Variants in CRB2 observed in about 807,000 individuals in gnomAD.
CRB2 encodes crumbs cell polarity complex component 2, also known as protein crumbs homolog 2.
In CRB2, 85 loss-of-function variants were observed where a neutral mutation model predicts 110.9. The observed-to-expected ratio is 0.77, with a 90% CI of 0.64 to 0.92. The LOEUF (loss-of-function observed/expected upper bound fraction) is 0.92. CRB2 is among the 40% of genes least tolerant of loss of function. The pLI, the probability that CRB2 is intolerant of heterozygous loss-of-function variation, is 0.00. For missense variants in CRB2, 1,843 were observed against 1,851.3 expected (o/e 1.00, Z 0.08); for synonymous variants, 907 against 831.0 (o/e 1.09, Z -1.57).
chr9:123,369,994 T>C lies in CRB2; in HGVS notation c.1055-114T>C, dbSNP rs529932795. 14 of 1,240,896 alleles carry C rather than the reference T, an allele frequency of 1.1e-5. 2 individuals are homozygous for C. The highest frequency in any genetic ancestry group is 1.0e-4 in the South Asian group (7 of 68,124). 76.9% of individuals were successfully genotyped at this position (1,240,896 alleles called of 1,614,324 possible). ...GGGACCATGAGAAATCCTCTGGGAA[T>C]TGGTTTGGCTGATAGGTACTGAGGT... is the stretch of plus-strand genomic sequence containing the variant. On this transcript the variant is annotated intron_variant, in intron 6 of 12. Coordinates refer to ENST00000373631, the MANE Select transcript of CRB2 (RefSeq NM_173689.7).
intron 1 of CRB2, among the ~76,000 whole-genome samples, chr9:123,358,581 G>A (rs191383319): frequency 6.6e-6 from 1 of 152,350 alleles, no homozygotes; most frequent in Non-Finnish European, 1.5e-5. Context: ...CCACTCCATG[G>A]CAGGCACTGT....
rs772059506 is a variant in CRB2, at chr9:123,371,203, G to A, written c.2061G>A (p.Gln687=). 8.7e-6 allele frequency: 14 copies of A among 1,613,918 alleles called. No homozygotes were observed. In the East Asian group the frequency reaches 1.8e-4, roughly 21 times the overall value. ...GGGAGTCCGCTGGCCTGTTGCTCCA[G>A]TTTGCCAATGACTCCGCAGCTGGCC... is the stretch of plus-strand genomic sequence containing the variant. ...RTRESAGLLL[Q]FANDSAAGLT... Residue 687 remains glutamine, a synonymous_variant, in exon 8 of 13, where the codon CAG becomes CAA. Coordinates refer to ENST00000373631, the MANE Select transcript of CRB2 (RefSeq NM_173689.7).
At chr9:123,356,419 A>C in intron 1 of CRB2, 65 bp downstream of exon 1, 1 of 1,310,012 alleles carries the variant, frequency 7.6e-7, no homozygotes, top group Non-Finnish European at 1.0e-6. Flanking sequence ...AGATACCCCA[A>C]GCCTTGGCTG....
At position 123,370,169 on chromosome 9, in the gene CRB2, C is replaced by T; in HGVS notation, c.1116C>T (p.Thr372=). The T allele has an allele frequency of 6.2e-7, 1 of 1,611,152 alleles. No homozygotes were observed. Among genetic ancestry groups the T allele is most frequent in the East Asian group, 2.2e-5 (1 of 44,812 alleles). The part of the protein sequence containing the change: ...CLSDPCLHGG[T]CSDTVAGYIC... ...CGGATCCCTGCCTGCACGGCGGAACCTGCAGTGACACTGTGGCAGGCTATA... is the reference window on the plus strand; with the variant it reads ...CGGATCCCTGCCTGCACGGCGGAACTTGCAGTGACACTGTGGCAGGCTATA... The change falls in exon 7 of 13, where the codon ACC becomes ACT. Residue 372 remains threonine (T), a synonymous_variant. Transcript: ENST00000373631.
At chr9:123,365,876 G>A (rs1324899223) in intron 2 of CRB2, 41 bp from the exon 3 acceptor site, 16 of 1,539,398 alleles carry the variant, frequency 1.0e-5, no homozygotes, top group African/African-American at 1.4e-5. Context: ...CCCTGCTCTG[G>A]GTGTCCATCC....
rs571026224 is a variant in CRB2 at position 123,366,511 on chromosome 9, G to C, written c.754+145G>C. 4.7e-6 allele frequency: 5 copies of C among 1,053,712 alleles called. No homozygotes were observed. The African/African-American group carries it at 6.8e-5, about 14-fold the overall frequency. The allele number at this position is 1,053,712 out of a possible 1,614,324, so 65.3% of individuals were successfully genotyped here. On this transcript the variant is annotated intron_variant, in intron 4 of 12. Coordinates refer to ENST00000373631, the MANE Select transcript of CRB2 (RefSeq NM_173689.7). ...AGTGTGTGTGTGATTGCAACCTGTC[G>C]GAGCCTCAGTTTCCTGATCTACAAA...
In CRB2 at chr9:123,363,827, C is replaced by A. The variant is rs576762845; in HGVS notation, c.418+639C>A. Reference sequence around the variant, plus strand: ...TCTCCAGAGTGTGGCCCGTCCCAGGCCCACCCATGGTCTGAGCCGAGAACA... The same window carrying A: ...TCTCCAGAGTGTGGCCCGTCCCAGGACCACCCATGGTCTGAGCCGAGAACA... On this transcript the variant is annotated intron_variant, in intron 2 of 12. Coordinates refer to ENST00000373631, the MANE Select transcript of CRB2 (RefSeq NM_173689.7). Among the ~76,000 whole-genome samples the A allele has an allele frequency of 1.3e-3, 194 of 152,338 alleles. 1 individual carries two copies. Among genetic ancestry groups the A allele is most frequent in the Non-Finnish European group, 2.0e-3 (139 of 68,034 alleles).
chr9:123,358,336 C>T (rs1380499136), intron 1 of CRB2, among the ~76,000 whole-genome samples: 1 of 152,184 alleles, frequency 6.6e-6, no homozygotes, highest in Non-Finnish European at 1.5e-5. Context: ...TACAATGGGG[C>T]ACGTTGGGCT....
Position 123,371,468 on chromosome 9 carries a change from C to T in CRB2, c.2326C>T (p.His776Tyr). 1 of 1,613,220 alleles carries T rather than the reference C, an allele frequency of 6.2e-7. No individual in the cohort carries two copies. The highest frequency in any genetic ancestry group is 8.5e-7 in the Non-Finnish European group (1 of 1,180,034). Reference protein sequence around the residue: ...CLQDLRLDGCHLPFFPLPLDN... With the variant: ...CLQDLRLDGCYLPFFPLPLDN... Reference sequence around the variant, plus strand: ...CCAGGACCTGCGACTCGATGGCTGCCACCTCCCCTTCTTTCCTCTGCCACT... The same window carrying T: ...CCAGGACCTGCGACTCGATGGCTGCTACCTCCCCTTCTTTCCTCTGCCACT... The change falls in exon 8 of 13, where the codon CAC becomes TAC. Residue 776 changes from histidine (H) to tyrosine (Y), a missense_variant. Coordinates refer to ENST00000373631, the MANE Select transcript of CRB2 (RefSeq NM_173689.7).
chr9:123,359,068 A>C (rs1349320531), intron 1 of CRB2, among the ~76,000 whole-genome samples: 6 of 152,242 alleles, frequency 3.9e-5, no homozygotes, highest in African/African-American at 1.4e-4. Context: ...TGCCAGGCAC[A>C]GGGTAGGTGC....
intron 11 of CRB2, 134 bp downstream of exon 11, chr9:123,374,829 G>T (rs542121163): frequency 3.1e-6 from 2 of 646,082 alleles, no homozygotes; most frequent in African/African-American, 3.6e-5. Context: ...TGTCACTTGA[G>T]TTTCCTTCCA....
In CRB2 at chr9:123,371,419, G is replaced by A. The variant is rs375072557; in HGVS notation, c.2277G>A (p.Trp759Ter). ...TCCTTGCTGCCGACAGCCAGCCCTG[G>A]GGTGGGCCCTTCCGAGGCTGCCTCC... ...GRLLAADSQP[W>*]GGPFRGCLQD... The change falls in exon 8 of 13, where the codon TGG (tryptophan) becomes TGA (stop). Residue 759 changes from tryptophan to a stop codon, truncating the protein, a stop_gained. Transcript: ENST00000373631. LOFTEE classifies it high-confidence loss of function. 7.6e-5 allele frequency: 122 copies of A among 1,612,280 alleles called. No homozygotes were observed. Among genetic ancestry groups the A allele is most frequent in the Non-Finnish European group, 1.0e-4 (120 of 1,179,754 alleles).
intron 6 of CRB2, among the ~76,000 whole-genome samples, chr9:123,368,166 G>T (rs910843219): frequency 6.6e-6 from 1 of 152,076 alleles, no homozygotes. Flanking sequence ...AACACTGAAC[G>T]TCCCTGCCCC....
intron 1 of CRB2, among the ~76,000 whole-genome samples, chr9:123,358,306 G>C (rs561649913): frequency 6.6e-6 from 1 of 152,330 alleles, no homozygotes; most frequent in African/African-American, 2.4e-5. Flanking sequence ...TTGCCATGGA[G>C]AGGACCAAGC....
At chr9:123,366,438 G>T in intron 4 of CRB2, 72 bp downstream of exon 4, 1 of 1,466,886 alleles carries the variant, frequency 6.8e-7, no homozygotes, top group East Asian at 2.8e-5. Flanking sequence ...GGGGCGGTGG[G>T]GCAGGTGTGT....
intron 6 of CRB2, 140 bp from the exon 7 acceptor site, chr9:123,369,968 G>A (rs2041989521): frequency 2.9e-6 from 3 of 1,024,034 alleles, no homozygotes; most frequent in Non-Finnish European, 4.3e-6. Flanking sequence ...GGGGACTTGA[G>A]GGGACCATGA....
At position 123,377,179 on chromosome 9, in the gene CRB2, AGCCTCT is replaced by A. The variant is rs920598810; in HGVS notation, c.*133_*138del. ...CTACGGAAGTGTCCCCTTGGCTGGC[AGCCTCT>A]GCCTCTGCCTCTGCCCCATCCTGGA... On this transcript the variant is annotated 3_prime_UTR_variant, in exon 13 of 13. Coordinates refer to ENST00000373631, the MANE Select transcript of CRB2 (RefSeq NM_173689.7). The A allele has an allele frequency of 8.6e-5, 84 of 979,114 alleles. No individual in the cohort carries two copies. The highest frequency in any genetic ancestry group is 2.8e-4 in the Middle Eastern group (1 of 3,562). The allele number at this position is 979,114 out of a possible 1,614,324, so 60.7% of individuals were successfully genotyped here.
At position 123,370,235 on chromosome 9, in the gene CRB2, T is replaced by G; in HGVS notation, c.1182T>G (p.Ser394=). The change falls in exon 7 of 13, where the codon TCT becomes TCG. Residue 394 remains serine, a synonymous_variant. Coordinates refer to ENST00000373631, the MANE Select transcript of CRB2 (RefSeq NM_173689.7). ...CPETWGGRDC[S]VQLTGCQGHT... The stretch of plus-strand genomic sequence containing the variant: ...AGACCTGGGGTGGGCGCGACTGTTC[T>G]GTGCAGCTCACTGGCTGCCAGGGCC... 6.2e-7 allele frequency: 1 copy of G among 1,613,334 alleles called. No homozygotes were observed. Among genetic ancestry groups the G allele is most frequent in the Non-Finnish European group, 8.5e-7 (1 of 1,180,002 alleles).
chr9:123,371,456 C>G lies in CRB2; in HGVS notation c.2314C>G (p.Leu772Val), dbSNP rs376152518. ...CCGAGGCTGCCTCCAGGACCTGCGA[C>G]TCGATGGCTGCCACCTCCCCTTCTT... ...PFRGCLQDLRLDGCHLPFFPL... is the reference protein window; with the variant it reads ...PFRGCLQDLRVDGCHLPFFPL... Residue 772 changes from leucine to valine, a missense_variant, in exon 8 of 13, where the codon CTC becomes GTC. Transcript: ENST00000373631. 2.5e-6 allele frequency: 4 copies of G among 1,613,046 alleles called. No homozygotes were observed. The highest frequency in any genetic ancestry group is 3.4e-6 in the Non-Finnish European group (4 of 1,180,034).
Sources: allele counts gnomAD v4.1 joint callset (sites outside exome capture counted in the v4.1 genomes callset), GRCh38; gene constraint gnomAD v4.1.1; transcripts MANE v1.5; gene names NCBI Gene and HGNC (gene_info 2026-07-23, HGNC 2026-07-21).